Variants in GSAP observed in about 807,000 individuals in gnomAD.
GSAP encodes gamma-secretase activating protein, also known as gamma-secretase-activating protein.
A neutral mutation model predicts 131.7 loss-of-function variants in GSAP; 118 were observed. The observed-to-expected ratio is 0.90, with a 90% CI of 0.77 to 1.04. The LOEUF (loss-of-function observed/expected upper bound fraction) is 1.04. Among genes scored for constraint, GSAP ranks in the 50% least tolerant of loss-of-function variants. The pLI is 0.00. For missense variants in GSAP, 1,019 were observed against 1,013.2 expected, an observed-to-expected ratio of 1.01 and a Z score of -0.08; for synonymous variants, 381 against 363.4, an observed-to-expected ratio of 1.05 and a Z score of -0.55.
chr7:77,387,247 G>A (rs1025919382), intron 6 of GSAP, 113 bp downstream of exon 6: 1 of 625,366 alleles, frequency 1.6e-6, no homozygotes, highest in Non-Finnish European at 2.9e-6. Flanking sequence ...TAGTCTACAA[G>A]ACTGTTCTGA....
At chr7:77,396,897 C>A in intron 5 of GSAP, 85 bp downstream of exon 5, 2 of 682,586 alleles carry the variant, frequency 2.9e-6, no homozygotes, top group South Asian at 2.0e-5. Context: ...TCTAAAGATG[C>A]TTGAAATTTG....
rs1470050131 is a variant in GSAP at position 77,353,621 on chromosome 7, C to T, written c.1359G>A (p.Glu453=). 3 of 1,609,678 alleles carry T rather than the reference C, an allele frequency of 1.9e-6. No homozygotes were observed. The highest frequency in any genetic ancestry group is 3.3e-5 in the Admixed American group (2 of 59,906). The change falls in exon 17 of 31, where the codon GAG becomes GAA. Residue 453 remains glutamate, a synonymous_variant. Transcript: ENST00000257626. The stretch of plus-strand genomic sequence containing the variant: ...CAAATGAATGGCAGGCAGAGACATT[C>T]TCAGAAATCCACTGAATAATCTTTA... ...LEAQIIQWIS[E]NVSACHSFDL...
chr7:77,326,330 A>G (rs1281907085), intron 22 of GSAP, 57 bp from the exon 23 acceptor site: 1 of 1,169,914 alleles, frequency 8.5e-7, no homozygotes, highest in East Asian at 2.4e-5. Flanking sequence ...GATGGGTTAG[A>G]AGGAAGAAGA....
chr7:77,366,723 G>T (rs949788754), intron 12 of GSAP, among the ~76,000 whole-genome samples: 4 of 152,052 alleles, frequency 2.6e-5, no homozygotes, highest in African/African-American at 9.7e-5. Flanking sequence ...GGCTTTTTTG[G>T]TTCCATATGA....
At chr7:77,352,853 G>T in intron 18 of GSAP, 91 bp downstream of exon 18, 1 of 700,608 alleles carries the variant, frequency 1.4e-6, no homozygotes, top group South Asian at 1.9e-5. Context: ...GTGAAATCAC[G>T]ACCTTGATGG....
intron 3 of GSAP, among the ~76,000 whole-genome samples, chr7:77,399,185 G>C (rs1441165330): frequency 6.6e-6 from 1 of 152,204 alleles, no homozygotes; most frequent in African/African-American, 2.4e-5. Flanking sequence ...GCAAGTATCA[G>C]AAGTCTTTAA....
rs766917397 is a variant in GSAP at position 77,314,483 on chromosome 7, T to C, written c.2096A>G (p.His699Arg). The C allele has an allele frequency of 1.2e-6, 2 of 1,613,584 alleles. No homozygotes were observed. The highest frequency in any genetic ancestry group is 4.5e-5 in the East Asian group (2 of 44,864). The change falls in exon 27 of 31, where the codon CAT becomes CGT. Residue 699 changes from histidine to arginine, a missense_variant. By Grantham distance (29) the His-to-Arg change is conservative. Transcript: ENST00000257626. ...SLFLPLPPGF[H>R]TLHTILGVQC... ...GACCCCGAGGATGGTGTGCAGAGTA[T>C]GAAAACCTAGGATGAGAGATCTGGA... is the stretch of plus-strand genomic sequence containing the variant.
intron 14 of GSAP, 108 bp from the exon 15 acceptor site, chr7:77,355,755 TA>T (rs1793597705): frequency 1.5e-6 from 1 of 669,214 alleles, no homozygotes; most frequent in Non-Finnish European, 2.6e-6. Flanking sequence ...GCAAAAGTTT[TA>T]CCAATGTAAT....
chr7:77,406,004 A>G (rs1216010908), intron 2 of GSAP, 25 bp downstream of exon 2: 1 of 825,640 alleles, frequency 1.2e-6, no homozygotes, highest in Non-Finnish European at 1.7e-6. Flanking sequence ...ACATCTTACC[A>G]CAATAAAAAA....
intron 29 of GSAP, 49 bp from the exon 30 acceptor site, chr7:77,311,989 C>G: frequency 7.9e-7 from 1 of 1,266,246 alleles, no homozygotes; most frequent in East Asian, 2.3e-5. Flanking sequence ...ACAATAAGCA[C>G]AATTTTAAAA....
intron 10 of GSAP, 26 bp from the exon 11 acceptor site, chr7:77,375,127 A>G (rs538779421): frequency 3.5e-6 from 5 of 1,428,940 alleles, no homozygotes; most frequent in Non-Finnish European, 4.9e-6. Flanking sequence ...AAGAAAATGA[A>G]CCCAAAATGA....
intron 3 of GSAP, among the ~76,000 whole-genome samples, chr7:77,397,963 G>A (rs552188892): frequency 1.3e-5 from 2 of 152,194 alleles, no homozygotes; most frequent in South Asian, 4.2e-4. Context: ...TTAGAGGACT[G>A]GGAAGGTAGA....
At chr7:77,377,237 TAAAA>T (rs533755073) in intron 9 of GSAP, 45 bp downstream of exon 9, 556 of 893,130 alleles carry the variant, frequency 6.2e-4, no homozygotes, top group African/African-American at 2.2e-3. Context: ...AATATTTTTG[TAAAA>T]AAAAAAAAAA....
At chr7:77,377,535 C>A in intron 8 of GSAP, 145 bp from the exon 9 acceptor site, 1 of 954,558 alleles carries the variant, frequency 1.0e-6, no homozygotes, top group Non-Finnish European at 1.4e-6. Context: ...CTCCCCACCC[C>A]TAGTATACAC....
At chr7:77,341,119 G>A (rs535519035) in intron 19 of GSAP, among the ~76,000 whole-genome samples, 10 of 152,212 alleles carry the variant, frequency 6.6e-5, no homozygotes, top group African/African-American at 9.6e-5. Flanking sequence ...TACAAGACCC[G>A]GATGATTTTT....
chr7:77,403,018 T>C (rs1437310043), intron 3 of GSAP, among the ~76,000 whole-genome samples: 1 of 152,128 alleles, frequency 6.6e-6, no homozygotes, highest in Non-Finnish European at 1.5e-5. Flanking sequence ...AACACATTGG[T>C]ATGCAAAGTG....
chr7:77,395,810 T>A (rs1800283674), intron 5 of GSAP, among the ~76,000 whole-genome samples: 1 of 152,154 alleles, frequency 6.6e-6, no homozygotes, highest in African/African-American at 2.4e-5. Context: ...GGAAAATACA[T>A]CTGAGTGGGA....
At chr7:77,322,315 TGGGCAG>T (rs1176986541) in intron 24 of GSAP, among the ~76,000 whole-genome samples, 30 of 152,318 alleles carry the variant, frequency 2.0e-4, no homozygotes, top group Non-Finnish European at 3.4e-4. Flanking sequence ...TAGTGGCTGC[TGGGCAG>T]GGGCAGGGAG....
At chr7:77,405,686 C>T (rs542224513) in intron 2 of GSAP, among the ~76,000 whole-genome samples, 4 of 152,268 alleles carry the variant, frequency 2.6e-5, no homozygotes, top group East Asian at 3.9e-4. Flanking sequence ...TACAGGTGTG[C>T]GCCACAACAC....
Sources: allele counts gnomAD v4.1 joint callset (sites outside exome capture counted in the v4.1 genomes callset), GRCh38; gene constraint gnomAD v4.1.1; transcripts MANE v1.5; gene names NCBI Gene and HGNC (gene_info 2026-07-23, HGNC 2026-07-21).